CLIC5: variants seen among roughly 807,000 people sequenced by gnomAD.
CLIC5 encodes chloride intracellular channel protein 5.
CLIC5 carries 20 observed loss-of-function variants against 24.7 expected under a neutral mutation model. The observed-to-expected ratio is 0.81, with a 90% CI of 0.57 to 1.18. The LOEUF is 1.18. Among genes scored for constraint, CLIC5 ranks in the 50% most tolerant of loss-of-function variants. CLIC5 has a pLI of 0.00. For synonymous variants in CLIC5, 159 were observed against 135.6 expected, an observed-to-expected ratio of 1.17 and a Z score of -1.20; for missense variants, 341 against 326.1, an observed-to-expected ratio of 1.05 and a Z score of -0.35.
intron 1 of CLIC5, among the ~76,000 whole-genome samples, chr6:46,040,778 A>C (rs1767786321): frequency 6.6e-6 from 1 of 152,204 alleles, no homozygotes; most frequent in South Asian, 2.1e-4. Flanking sequence ...AGCTAAAATT[A>C]TAAATAGCAG....
intron 1 of CLIC5, among the ~76,000 whole-genome samples, chr6:45,968,131 C>T (rs1034248798): frequency 6.6e-6 from 1 of 152,182 alleles, no homozygotes; most frequent in African/African-American, 2.4e-5. Flanking sequence ...AGCCATAAGG[C>T]AGTCAAATGC....
chr6:45,924,650 G>A (rs1176112349), intron 4 of CLIC5, among the ~76,000 whole-genome samples: 1 of 152,078 alleles, frequency 6.6e-6, no homozygotes, highest in African/African-American at 2.4e-5. Context: ...GGCTAGGACA[G>A]GTATTTTCAC....
intron 5 of CLIC5, among the ~76,000 whole-genome samples, chr6:45,906,064 A>T (rs1254748093): frequency 6.6e-6 from 1 of 152,048 alleles, no homozygotes; most frequent in Non-Finnish European, 1.5e-5. Context: ...TGTTCCATTC[A>T]TCTATGTGTC....
At chr6:45,904,650 T>TCCCTCCCTCTCTCCTTCCCTCCTTCTC (rs1561920405) in intron 5 of CLIC5, among the ~76,000 whole-genome samples, 1 of 1,928 alleles carries the variant, frequency 5.2e-4, no homozygotes, top group African/African-American at 1.6e-3. Flanking sequence ...TTCTGTCCCT[T>TCCCTCCCTCTCTCCTTCCCTCCTTCTC]TCCTTCCCTC....
At chr6:46,082,514 A>G (rs1762946240), upstream of CLIC5, among the ~76,000 whole-genome samples, 1 of 152,086 alleles carries the variant, frequency 6.6e-6, no homozygotes, top group Non-Finnish European at 1.5e-5. Context: ...CCACTCTCCT[A>G]TACCTGTTTT....
chr6:46,106,271 C>A, the CLIC5 span, among the ~76,000 whole-genome samples: 2 of 152,088 alleles, frequency 1.3e-5, no homozygotes, highest in African/African-American at 4.8e-5. Flanking sequence ...CCATGCCCAG[C>A]TAATTTTTGT....
chr6:45,931,359 C>T (rs1763729023), intron 4 of CLIC5, among the ~76,000 whole-genome samples: 2 of 152,184 alleles, frequency 1.3e-5, no homozygotes, highest in Admixed American at 1.3e-4. Flanking sequence ...GCTAGTATCG[C>T]TATCCCAGGG....
At chr6:46,080,253 C>T (rs1394905431) in exon 1 of CLIC5, 5 of 1,546,282 alleles carry the variant, frequency 3.2e-6, no homozygotes, top group Non-Finnish European at 4.4e-6. Context: ...GCTTATTGAT[C>T]CGAGAGATCT....
At chr6:46,050,805 C>T (rs1044188895) in intron 1 of CLIC5, among the ~76,000 whole-genome samples, 1 of 151,490 alleles carries the variant, frequency 6.6e-6, no homozygotes, top group Non-Finnish European at 1.5e-5. Context: ...CAAGAAACTA[C>T]CCTTGAGATT....
At chr6:46,047,477 G>C (rs903225416) in intron 1 of CLIC5, among the ~76,000 whole-genome samples, 3 of 152,190 alleles carry the variant, frequency 2.0e-5, no homozygotes, top group Non-Finnish European at 2.9e-5. Context: ...TAGTCTGTGG[G>C]AAGTTCTCCC....
chr6:45,995,533 C>T (rs1300574719), intron 1 of CLIC5, among the ~76,000 whole-genome samples: 1 of 152,178 alleles, frequency 6.6e-6, no homozygotes, highest in African/African-American at 2.4e-5. Context: ...GCCCTACCTA[C>T]AATACTGGGT....
At chr6:45,994,584 G>A (rs549238896) in intron 1 of CLIC5, among the ~76,000 whole-genome samples, 71 of 152,092 alleles carry the variant, frequency 4.7e-4, no homozygotes, top group African/African-American at 1.6e-3. Flanking sequence ...AAACCTGCAC[G>A]TTCTGCACGT....
intron 1 of CLIC5, among the ~76,000 whole-genome samples, chr6:46,063,331 T>C (rs1334761168): frequency 2.0e-5 from 3 of 151,930 alleles, no homozygotes; most frequent in African/African-American, 4.8e-5. Context: ...CCTGACAGAG[T>C]AAAAGAAACC....
At chr6:46,110,904 C>A in the CLIC5 span, among the ~76,000 whole-genome samples, 1 of 152,116 alleles carries the variant, frequency 6.6e-6, no homozygotes, top group African/African-American at 2.4e-5. Context: ...AAGCCAAATA[C>A]AATAAAACTA....
intron 1 of CLIC5, among the ~76,000 whole-genome samples, chr6:46,044,634 G>A (rs1328274937): frequency 6.6e-6 from 1 of 152,146 alleles, no homozygotes; most frequent in Non-Finnish European, 1.5e-5. Flanking sequence ...TAGGTTTCTT[G>A]GGGTGAGCCT....
At chr6:45,966,004 C>T (rs1561969957) in intron 1 of CLIC5, among the ~76,000 whole-genome samples, 1 of 152,130 alleles carries the variant, frequency 6.6e-6, no homozygotes, top group African/African-American at 2.4e-5. Context: ...ACTCATCTGC[C>T]CTTCTGTTCT....
exon 1 of CLIC5, chr6:46,080,060 G>C (rs1380189077): frequency 1.3e-6 from 2 of 1,551,668 alleles, no homozygotes; most frequent in African/African-American, 1.4e-5. Flanking sequence ...TAATGGTATA[G>C]ACTGACACAA....
chr6:45,920,547 G>T, intron 4 of CLIC5: 1 of 416,550 alleles, frequency 2.4e-6, no homozygotes, highest in Non-Finnish European at 3.2e-6. Flanking sequence ...TTTTTGAAGA[G>T]AAAATACAAA....
chr6:46,094,567 T>C, the CLIC5 span, among the ~76,000 whole-genome samples: 1 of 152,232 alleles, frequency 6.6e-6, no homozygotes, highest in Non-Finnish European at 1.5e-5. Context: ...CATTAAATCT[T>C]AAAGCTCCAA....
Sources: allele counts gnomAD v4.1 joint callset (sites outside exome capture counted in the v4.1 genomes callset), GRCh38; gene constraint gnomAD v4.1.1; transcripts MANE v1.5; gene names NCBI Gene and HGNC (gene_info 2026-07-23, HGNC 2026-07-21).